The following PIP5K1B variants were observed in gnomAD, a reference collection of about 807,000 sequenced individuals.
PIP5K1B encodes phosphatidylinositol 4-phosphate 5-kinase type-1 beta.
PIP5K1B carries 42 observed loss-of-function variants against 67.0 expected under a neutral mutation model. That is an observed-to-expected ratio of 0.63 (90% confidence interval 0.49 to 0.81). The LOEUF is 0.81. Ranked by LOEUF, PIP5K1B falls within the 30% of genes least tolerant of loss-of-function variation. PIP5K1B has a pLI of 0.00. For missense variants in PIP5K1B, 459 were observed against 646.3 expected, an observed-to-expected ratio of 0.71 and a Z score of 3.14; for synonymous variants, 214 against 231.4, an observed-to-expected ratio of 0.92 and a Z score of 0.68.
intron 14 of PIP5K1B, among the ~76,000 whole-genome samples, chr9:68,989,613 T>C (rs1830270261): frequency 6.6e-6 from 1 of 151,862 alleles, no homozygotes; most frequent in Non-Finnish European, 1.5e-5. Flanking sequence ...GTTAAAAACA[T>C]AACTTTGATT....
At chr9:68,806,801 C>T (rs72717935) in intron 2 of PIP5K1B, among the ~76,000 whole-genome samples, 39,447 of 152,082 alleles carry the variant, frequency 0.26, 5,669 homozygotes, top group Middle Eastern at 0.32. Context: ...AGTTTTGATT[C>T]TCTAGGGAAA....
rs541570170 is a variant in PIP5K1B, at chr9:68,987,353, C to T, written c.1503-3787C>T. 1.2e-4 allele frequency among the ~76,000 whole-genome samples: 19 copies of T among 152,186 alleles called. No homozygotes were observed. The South Asian group carries it at 3.5e-3, about 28-fold the overall frequency. On this transcript the variant is annotated intron_variant, in intron 14 of 15. Transcript: ENST00000265382. ...CCGAGGTGAGCAGATCATTTGAGGC[C>T]AGCAGTTCAAGACCAGCCTGGCCAA...
At chr9:68,993,055 G>A (rs538776774) in intron 15 of PIP5K1B, among the ~76,000 whole-genome samples, 2 of 151,320 alleles carry the variant, frequency 1.3e-5, no homozygotes, top group East Asian at 2.0e-4. Context: ...CCAGCTACTC[G>A]GAAGGCTGGG....
At chr9:68,798,668 G>C (rs562540511) in intron 2 of PIP5K1B, among the ~76,000 whole-genome samples, 1 of 152,076 alleles carries the variant, frequency 6.6e-6, no homozygotes, top group Non-Finnish European at 1.5e-5. Context: ...CAGACCACAC[G>C]GGGTCTTATA....
intron 5 of PIP5K1B, among the ~76,000 whole-genome samples, chr9:68,873,281 C>CTTTTTTTTT (rs772335388): frequency 4.6e-4 from 42 of 90,648 alleles, no homozygotes; most frequent in Admixed American, 6.7e-4. Flanking sequence ...ACTTTCTGAT[C>CTTTTTTTTT]TTTTTTTTTT....
chr9:68,778,980 C>T (rs1831069869), intron 2 of PIP5K1B, among the ~76,000 whole-genome samples: 1 of 152,174 alleles, frequency 6.6e-6, no homozygotes. Flanking sequence ...TGACTTCTAT[C>T]AGTAGTGCTC....
In PIP5K1B at chr9:68,705,555, C is replaced by G; in HGVS notation, c.-450C>G. On this transcript the variant is annotated 5_prime_UTR_variant, in exon 1 of 16. Coordinates refer to ENST00000265382, the MANE Select transcript of PIP5K1B (RefSeq NM_003558.4). ...CCGGAGCGAGTTTGGCCCCGCGGCT[C>G]CAGCCCCGGCACCTGCCCGCCCTCA... 1 of 151,758 alleles carries G rather than the reference C, an allele frequency of 6.6e-6. No homozygotes were observed. Among genetic ancestry groups the G allele is most frequent in the South Asian group, 1.8e-4 (1 of 5,650 alleles). 9.4% of individuals were successfully genotyped at this position (151,758 alleles called of 1,614,324 possible).
At chr9:68,933,957 T>C (rs1390294297) in intron 12 of PIP5K1B, among the ~76,000 whole-genome samples, 1 of 152,136 alleles carries the variant, frequency 6.6e-6, no homozygotes, top group East Asian at 1.9e-4. Context: ...ATTACTCTAA[T>C]ACACTTACTA....
intron 2 of PIP5K1B, among the ~76,000 whole-genome samples, chr9:68,790,596 GCACA>G (rs59234219): frequency 6.6e-6 from 1 of 151,696 alleles, no homozygotes; most frequent in Non-Finnish European, 1.5e-5. Context: ...ACATGAGCGC[GCACA>G]CACACACACA....
intron 1 of PIP5K1B, among the ~76,000 whole-genome samples, chr9:68,717,001 C>T (rs529048103): frequency 1.2e-3 from 179 of 152,306 alleles, no homozygotes; most frequent in African/African-American, 4.1e-3. Context: ...CCAAATACCG[C>T]GTGTTCTCAC....
At chr9:68,887,060 C>T (rs1824514431) in intron 6 of PIP5K1B, among the ~76,000 whole-genome samples, 1 of 152,252 alleles carries the variant, frequency 6.6e-6, no homozygotes, top group Admixed American at 6.5e-5. Flanking sequence ...GTCTCAACCT[C>T]TGCTCCAATG....
intron 14 of PIP5K1B, among the ~76,000 whole-genome samples, chr9:68,947,633 G>A (rs1176608241): frequency 2.6e-5 from 4 of 152,220 alleles, no homozygotes; most frequent in African/African-American, 9.6e-5. Context: ...CAAAGGTAGT[G>A]TGAGTGCAAG....
intron 1 of PIP5K1B, among the ~76,000 whole-genome samples, chr9:68,724,565 A>T (rs1362610527): frequency 6.6e-6 from 1 of 152,142 alleles, no homozygotes. Flanking sequence ...ATCTCTGAGC[A>T]TGAGACATCT....
chr9:68,988,914 G>A (rs1830228821), intron 14 of PIP5K1B, among the ~76,000 whole-genome samples: 1 of 151,608 alleles, frequency 6.6e-6, no homozygotes, highest in Non-Finnish European at 1.5e-5. Context: ...GGCCAACATG[G>A]TGAAACCCCA....
chr9:68,758,056 TG>T (rs1272705173), intron 2 of PIP5K1B, among the ~76,000 whole-genome samples: 1 of 152,116 alleles, frequency 6.6e-6, no homozygotes, highest in Non-Finnish European at 1.5e-5. Context: ...AAAACTAAAC[TG>T]ATGTTGGAAA....
At chr9:68,986,068 A>G (rs1830083353) in intron 14 of PIP5K1B, among the ~76,000 whole-genome samples, 2 of 152,242 alleles carry the variant, frequency 1.3e-5, no homozygotes, top group African/African-American at 2.4e-5. Flanking sequence ...AAACATTCAT[A>G]TACAAGTTTG....
chr9:68,903,521 T>C (rs1438575959), intron 8 of PIP5K1B, among the ~76,000 whole-genome samples: 1 of 152,212 alleles, frequency 6.6e-6, no homozygotes, highest in Non-Finnish European at 1.5e-5. Flanking sequence ...GGTGTCGCCA[T>C]TGAAGACCAT....
At chr9:68,970,334 G>A (rs1292476589) in intron 14 of PIP5K1B, among the ~76,000 whole-genome samples, 1 of 152,294 alleles carries the variant, frequency 6.6e-6, no homozygotes, top group South Asian at 2.1e-4. Flanking sequence ...CAGGCACTAC[G>A]CCAAGTCTTT....
chr9:68,863,275 A>C (rs767820412), intron 4 of PIP5K1B, among the ~76,000 whole-genome samples: 1 of 152,242 alleles, frequency 6.6e-6, no homozygotes, highest in Non-Finnish European at 1.5e-5. Flanking sequence ...GTAGCACTAC[A>C]TTAGGCAGTG....
Sources: allele counts gnomAD v4.1 joint callset (sites outside exome capture counted in the v4.1 genomes callset), GRCh38; gene constraint gnomAD v4.1.1; transcripts MANE v1.5; gene names NCBI Gene and HGNC (gene_info 2026-07-23, HGNC 2026-07-21).